CACNA1A: variants seen among roughly 807,000 people sequenced by gnomAD.
CACNA1A encodes calcium voltage-gated channel subunit alpha1 A.
Under a neutral mutation model 262.4 loss-of-function variants are expected in CACNA1A, and 57 were observed. The observed-to-expected ratio is 0.22, with a 90% CI of 0.18 to 0.27. The LOEUF (loss-of-function observed/expected upper bound fraction) is 0.27. Among genes scored for constraint, CACNA1A ranks in the 10% least tolerant of loss-of-function variants. The pLI, the probability that CACNA1A is intolerant of heterozygous loss-of-function variation, is 1.00. For missense variants in CACNA1A, 2,526 were observed against 3,562.8 expected (o/e 0.71, Z 7.41); for synonymous variants, 1,431 against 1,419.3 (o/e 1.01, Z -0.18).
chr19:13,465,946 T>C (rs1263505541), intron 1 of CACNA1A, among the ~76,000 whole-genome samples: 1 of 152,196 alleles, frequency 6.6e-6, no homozygotes, highest in African/African-American at 2.4e-5. Context: ...CTACCTAGAA[T>C]AGGTAAATCC....
intron 24 of CACNA1A, chr19:13,275,432 G>A (rs2057122300): frequency 4.8e-6 from 1 of 208,288 alleles, no homozygotes; most frequent in South Asian, 8.1e-5. Flanking sequence ...GGGGCCTTCA[G>A]GCATAGGGAG....
At chr19:13,280,475 G>A (rs574217816) in intron 22 of CACNA1A, among the ~76,000 whole-genome samples, 32 of 151,864 alleles carry the variant, frequency 2.1e-4, no homozygotes, top group African/African-American at 7.5e-4. Context: ...TTATAGGCGT[G>A]AGCCACTGCA....
intron 46 of CACNA1A, 53 bp from the exon 47 acceptor site, chr19:13,208,106 A>C: frequency 1.7e-6 from 2 of 1,161,908 alleles, no homozygotes; most frequent in Non-Finnish European, 2.1e-6. Context: ...AACAAAATCA[A>C]AGGAGACACG....
At chr19:13,474,210 G>A (rs970848513) in intron 1 of CACNA1A, among the ~76,000 whole-genome samples, 1 of 152,160 alleles carries the variant, frequency 6.6e-6, no homozygotes, top group Non-Finnish European at 1.5e-5. Flanking sequence ...CTCCTGCTCG[G>A]GTCTTCACTG....
chr19:13,489,423 G>GGA (rs1568698956), intron 1 of CACNA1A, among the ~76,000 whole-genome samples: 1 of 151,780 alleles, frequency 6.6e-6, no homozygotes, highest in African/African-American at 2.4e-5. Context: ...CAAGTAGCTG[G>GGA]GACTACAGGC....
chr19:13,261,217 G>A (rs945444807), intron 26 of CACNA1A: 10 of 466,388 alleles, frequency 2.1e-5, no homozygotes, highest in South Asian at 8.2e-5. Context: ...TGACAAAGGC[G>A]GTGGCTGAAA....
At chr19:13,261,884 A>G in intron 25 of CACNA1A, 1 of 356,890 alleles carries the variant, frequency 2.8e-6, no homozygotes, top group Non-Finnish European at 5.1e-6. Context: ...AAAACAAGGT[A>G]ACAAAGTTAC....
chr19:13,313,403 G>A (rs939374526), intron 11 of CACNA1A, among the ~76,000 whole-genome samples: 3 of 143,890 alleles, frequency 2.1e-5, no homozygotes, highest in African/African-American at 8.1e-5. Context: ...GGGAGGCTGA[G>A]GCATGAGAAT....
At chr19:13,292,996 G>C (rs897972674) in intron 19 of CACNA1A, among the ~76,000 whole-genome samples, 1 of 152,058 alleles carries the variant, frequency 6.6e-6, no homozygotes, top group Non-Finnish European at 1.5e-5. Flanking sequence ...GTTCAGAATG[G>C]GGGTCTGGCC....
chr19:13,301,718 G>C (rs1024650663), intron 17 of CACNA1A, among the ~76,000 whole-genome samples: 3 of 152,200 alleles, frequency 2.0e-5, no homozygotes, highest in Non-Finnish European at 4.4e-5. Context: ...GGCCAGAAAT[G>C]AACCCGCCCA....
rs987376062 is a variant in CACNA1A at position 13,268,312 on chromosome 19, C to T, written c.3990-5479G>A. 3.3e-5 allele frequency among the ~76,000 whole-genome samples: 5 copies of T among 152,226 alleles called. No homozygotes were observed. In the South Asian group the frequency reaches 1.0e-3, roughly 32 times the overall value. On this transcript the variant is annotated intron_variant, in intron 24 of 46. Coordinates refer to ENST00000360228, the MANE Select transcript of CACNA1A (RefSeq NM_001127222.2). The stretch of plus-strand genomic sequence containing the variant: ...GGAATCAGGCTTGGGGCTCATTAGG[C>T]GCCTTCAACAATGACTGGAGATCCA...
chr19:13,321,365 G>T (rs2058249646), intron 10 of CACNA1A, among the ~76,000 whole-genome samples: 1 of 151,964 alleles, frequency 6.6e-6, no homozygotes, highest in Non-Finnish European at 1.5e-5. Flanking sequence ...GTGGGGGAAG[G>T]GGTATGTCAC....
chr19:13,256,741 T>TCA (rs2056582428), intron 28 of CACNA1A: 1 of 152,364 alleles, frequency 6.6e-6, no homozygotes, highest in South Asian at 2.1e-4. Flanking sequence ...TCCTCCTGCC[T>TCA]CAGCTTCCCA....
rs865878821 is a variant in CACNA1A, at chr19:13,212,005, G to A, written c.6303+98C>T. On this transcript the variant is annotated intron_variant, in intron 43 of 46. Coordinates refer to ENST00000360228, the MANE Select transcript of CACNA1A (RefSeq NM_001127222.2). This position sits in a 1 kb window ranked among gnomAD's most constrained non-coding sequence, Gnocchi z 5.6. ...GGAGTCCCTACCCAGGCCTGAGTCCGGCAGGGAGGGGATGCACTGGGCTGC... is the reference window on the plus strand; with the variant it reads ...GGAGTCCCTACCCAGGCCTGAGTCCAGCAGGGAGGGGATGCACTGGGCTGC... 1.1e-5 allele frequency: 8 copies of A among 749,246 alleles called. No individual in the cohort carries two copies. Among genetic ancestry groups the A allele is most frequent in the Middle Eastern group, 6.3e-4 (2 of 3,152 alleles). 46.4% of individuals were successfully genotyped at this position (749,246 alleles called of 1,614,324 possible).
chr19:13,420,141 A>G (rs1455897079), intron 3 of CACNA1A, among the ~76,000 whole-genome samples: 1 of 151,780 alleles, frequency 6.6e-6, no homozygotes, highest in Non-Finnish European at 1.5e-5. Flanking sequence ...ACTGCTGTTG[A>G]CTTTGGAATT....
At position 13,207,776 on chromosome 19, in the gene CACNA1A, CG is replaced by C; in HGVS notation, c.7057del (p.Arg2353GlyfsTer255). 1.4e-6 allele frequency: 2 copies of C among 1,383,940 alleles called. No homozygotes were observed. Among genetic ancestry groups the C allele is most frequent in the Non-Finnish European group, 1.9e-6 (2 of 1,077,316 alleles). The allele number at this position is 1,383,940 out of a possible 1,614,324, so 85.7% of individuals were successfully genotyped here. A position where few individuals can be genotyped will look rare whatever the true frequency, so the allele number is the denominator to read the frequency against. On this transcript the variant is annotated frameshift_variant, in exon 47 of 47. Transcript: ENST00000360228. LOFTEE classifies it low-confidence loss of function (END_TRUNC). This position sits in a 1 kb window ranked among gnomAD's most constrained non-coding sequence, Gnocchi z 5.7. ...GCTGCTGTGGCCCCCCGTGGGCGGC[CG>C]ATCTCCGGCCAGAGGCTCGGCCGTG... ...GPTAEPLAGD[R>X]PPTGGHSSGR...
intron 6 of CACNA1A, among the ~76,000 whole-genome samples, chr19:13,341,538 T>C (rs943534629): frequency 2.6e-5 from 4 of 152,178 alleles, no homozygotes; most frequent in African/African-American, 7.2e-5. Context: ...GCTCATTCGG[T>C]TCCAGCCACC....
chr19:13,347,067 G>GTTTTTT (rs35913659), intron 6 of CACNA1A, among the ~76,000 whole-genome samples: 1 of 138,606 alleles, frequency 7.2e-6, no homozygotes, highest in African/African-American at 2.8e-5. Context: ...TTGTTTTTTT[G>GTTTTTT]TTTTTTTTTT....
At chr19:13,252,179 C>T (rs2056417291) in intron 30 of CACNA1A, among the ~76,000 whole-genome samples, 1 of 151,886 alleles carries the variant, frequency 6.6e-6, no homozygotes, top group African/African-American at 2.4e-5. Context: ...CTTCCCACCT[C>T]AGCCTCCTGA....
Sources: gnomAD v4.1 joint callset for allele counts (sites outside exome capture counted in the v4.1 genomes callset) on GRCh38, gnomAD v4.1.1 for gene constraint, Gnocchi (gnomAD v3.1) non-coding constraint, MANE v1.5 for transcripts, NCBI Gene and HGNC (gene_info 2026-07-23, HGNC 2026-07-21) for gene names.